The following TMEM177 variants were observed in gnomAD, a reference collection of about 807,000 sequenced individuals.
TMEM177 encodes the protein transmembrane protein 177.
TMEM177 carries 4 observed loss-of-function variants against 14.2 expected under a neutral mutation model. The observed-to-expected ratio is 0.28, with a 90% CI of 0.14 to 0.64. The LOEUF (loss-of-function observed/expected upper bound fraction) is 0.64. Among genes scored for constraint, TMEM177 ranks in the 30% least tolerant of loss-of-function variants. The pLI, the probability that TMEM177 is intolerant of heterozygous loss-of-function variation, is 0.82. For synonymous variants in TMEM177, 179 were observed against 174.5 expected (o/e 1.03, Z -0.20); for missense variants, 344 against 405.2 (o/e 0.85, Z 1.30).
At chr2:119,703,125 T>C in the TMEM177 span, among the ~76,000 whole-genome samples, 2 of 152,230 alleles carry the variant, frequency 1.3e-5, no homozygotes, top group Non-Finnish European at 2.9e-5. Context: ...CTCGCTTTAC[T>C]AGCCTGCTAG....
chr2:119,694,032 GAC>G, the TMEM177 span, among the ~76,000 whole-genome samples: 3 of 2,408 alleles, frequency 1.2e-3, no homozygotes, highest in South Asian at 0.027. Context: ...CCACACATAT[GAC>G]ACATACCACA....
At chr2:119,688,764 C>T (rs1574273797), downstream of TMEM177, among the ~76,000 whole-genome samples, 1 of 152,178 alleles carries the variant, frequency 6.6e-6, no homozygotes, top group South Asian at 2.1e-4. Context: ...GCTTCTGGCC[C>T]TGCATTCTTG....
rs1688886609 is a variant in TMEM177, at chr2:119,681,134, G to A, written c.281G>A (p.Gly94Asp). ...TTFTFQPVSA[G>D]FPRLPAGAVV... ...TTCACCTTCCAACCTGTGAGTGCAGGCTTCCCAAGACTCCCTGCTGGGGCT... is the reference window on the plus strand; with the variant it reads ...TTCACCTTCCAACCTGTGAGTGCAGACTTCCCAAGACTCCCTGCTGGGGCT... Residue 94 changes from glycine (G) to aspartate (D), a missense_variant, in exon 2 of 2, where the codon GGC (glycine) becomes GAC (aspartate). Transcript: ENST00000272521. The A allele has an allele frequency of 1.2e-6, 2 of 1,614,132 alleles. No individual in the cohort carries two copies. Among genetic ancestry groups the A allele is most frequent in the Non-Finnish European group, 1.7e-6 (2 of 1,180,054 alleles).
At chr2:119,695,857 T>C in the TMEM177 span, among the ~76,000 whole-genome samples, 1 of 152,224 alleles carries the variant, frequency 6.6e-6, no homozygotes, top group Non-Finnish European at 1.5e-5. Flanking sequence ...GCATCTTGCT[T>C]TGAGTCCTGG....
At chr2:119,701,483 G>A in the TMEM177 span, among the ~76,000 whole-genome samples, 1 of 152,148 alleles carries the variant, frequency 6.6e-6, no homozygotes, top group African/African-American at 2.4e-5. Flanking sequence ...TTTCCCTAGG[G>A]GGTCGGGGGA....
downstream of TMEM177, among the ~76,000 whole-genome samples, chr2:119,691,136 G>T (rs989538275): frequency 1.3e-5 from 2 of 152,160 alleles, no homozygotes; most frequent in African/African-American, 4.8e-5. Context: ...CCTTGCCGGG[G>T]GGCAAATCTG....
downstream of TMEM177, chr2:119,685,800 A>G (rs1167927993): frequency 3.4e-5 from 24 of 709,556 alleles, no homozygotes; most frequent in Non-Finnish European, 5.8e-5. Context: ...ATTTAGCCTG[A>G]AAGTTTCATG....
At chr2:119,711,771 T>C in the TMEM177 span, among the ~76,000 whole-genome samples, 1 of 152,144 alleles carries the variant, frequency 6.6e-6, no homozygotes, top group Non-Finnish European at 1.5e-5. Context: ...CGTAGTTACC[T>C]GATGACTCCA....
chr2:119,710,659 G>C, the TMEM177 span, among the ~76,000 whole-genome samples: 1 of 151,726 alleles, frequency 6.6e-6, no homozygotes, highest in Non-Finnish European at 1.5e-5. Flanking sequence ...ACCCAGGCTG[G>C]AGTGCAGTGG....
chr2:119,682,126 G>GGT (rs1553420880), downstream of TMEM177: 18 of 142,058 alleles, frequency 1.3e-4, no homozygotes, highest in Non-Finnish European at 2.5e-4. Flanking sequence ...CTTCTTGGTC[G>GGT]TTTTTTTTTT....
At chr2:119,695,820 A>T in the TMEM177 span, among the ~76,000 whole-genome samples, 1 of 152,234 alleles carries the variant, frequency 6.6e-6, no homozygotes, top group Non-Finnish European at 1.5e-5. Flanking sequence ...TGTGGTGTAT[A>T]GCACAAATGG....
At chr2:119,685,841 C>G, downstream of TMEM177, 1 of 622,932 alleles carries the variant, frequency 1.6e-6, no homozygotes, top group South Asian at 2.0e-5. Context: ...CTCCATAGCC[C>G]TTTTCCTCAT....
At chr2:119,687,215 G>A (rs1689029383), downstream of TMEM177, among the ~76,000 whole-genome samples, 1 of 152,156 alleles carries the variant, frequency 6.6e-6, no homozygotes, top group African/African-American at 2.4e-5. Context: ...GGAACTAAAG[G>A]CAGCCTCTGA....
chr2:119,710,277 C>T, the TMEM177 span, among the ~76,000 whole-genome samples: 20 of 152,306 alleles, frequency 1.3e-4, no homozygotes, highest in Non-Finnish European at 2.4e-4. Context: ...GGAAATTCCC[C>T]GGAGTTTATA....
the TMEM177 span, among the ~76,000 whole-genome samples, chr2:119,691,761 A>G: frequency 2.6e-5 from 4 of 152,224 alleles, no homozygotes; most frequent in African/African-American, 9.6e-5. Context: ...TCTGGGGGCC[A>G]CATGGGAGAG....
At chr2:119,693,235 GC>G in the TMEM177 span, among the ~76,000 whole-genome samples, 1 of 152,162 alleles carries the variant, frequency 6.6e-6, no homozygotes, top group Non-Finnish European at 1.5e-5. Context: ...GAGCAGCAAA[GC>G]CCCCCTGGAG....
chr2:119,685,237 CACACACACACACAA>C (rs1381149252), downstream of TMEM177, among the ~76,000 whole-genome samples: 39 of 133,766 alleles, frequency 2.9e-4, no homozygotes, highest in Non-Finnish European at 5.4e-4. Context: ...TGCAGGCACA[CACACACACACACAA>C]ACACACACAC....
At chr2:119,717,377 G>C in the TMEM177 span, among the ~76,000 whole-genome samples, 1 of 151,940 alleles carries the variant, frequency 6.6e-6, no homozygotes, top group African/African-American at 2.4e-5. Context: ...AGGAAAGAAA[G>C]TCTGAGACAG....
the TMEM177 span, among the ~76,000 whole-genome samples, chr2:119,701,444 G>C: frequency 6.6e-6 from 1 of 152,180 alleles, no homozygotes; most frequent in Non-Finnish European, 1.5e-5. Flanking sequence ...GGGTTGAGGG[G>C]ATTGAGAGCA....
Sources: allele counts gnomAD v4.1 joint callset (sites outside exome capture counted in the v4.1 genomes callset), GRCh38; gene constraint gnomAD v4.1.1; transcripts MANE v1.5; gene names NCBI Gene and HGNC (gene_info 2026-07-23, HGNC 2026-07-21).